EXOC4: variants seen among roughly 807,000 people sequenced by gnomAD.
EXOC4 encodes the protein exocyst complex component 4.
Under a neutral mutation model 107.2 loss-of-function variants are expected in EXOC4, and 71 were observed. That is an observed-to-expected ratio of 0.66 (90% CI 0.55 to 0.81). The LOEUF (loss-of-function observed/expected upper bound fraction) is 0.81, where lower values mean the gene tolerates loss of function less well. Ranked by LOEUF, EXOC4 falls within the 30% of genes least tolerant of loss-of-function variation. The pLI is 0.00. For synonymous variants in EXOC4, 456 were observed against 441.2 expected (o/e 1.03, Z -0.42); for missense variants, 1,108 against 1,189.6 (o/e 0.93, Z 1.01).
At chr7:133,338,768 T>C (rs1177881805) in intron 5 of EXOC4, among the ~76,000 whole-genome samples, 1 of 115,982 alleles carries the variant, frequency 8.6e-6, no homozygotes, top group African/African-American at 3.9e-5. Context: ...TTTTTTTTTT[T>C]TTCAGACAGA....
intron 12 of EXOC4, among the ~76,000 whole-genome samples, chr7:133,899,288 ATGT>A (rs1282372212): frequency 6.6e-6 from 1 of 152,176 alleles, no homozygotes; most frequent in African/African-American, 2.4e-5. Context: ...TGTATTATTG[ATGT>A]TGTTGTCTTG....
chr7:133,267,349 C>G (rs1467555458), intron 1 of EXOC4, among the ~76,000 whole-genome samples: 1 of 152,172 alleles, frequency 6.6e-6, no homozygotes, highest in African/African-American at 2.4e-5. Context: ...CACTCTTTCT[C>G]AAGTCTCTAA....
chr7:133,880,092 A>G lies in EXOC4; in HGVS notation c.1735-15507A>G, dbSNP rs892503575. ...CTGAATACCTTGCCTCTGCCTCTCT[A>G]AGTATCCAAACCTCCCCGTCCTCCA... is the stretch of plus-strand genomic sequence containing the variant. On this transcript the variant is annotated intron_variant, in intron 11 of 17. Transcript: ENST00000253861. Among the ~76,000 whole-genome samples, 8 of 152,024 alleles carry G rather than the reference A, an allele frequency of 5.3e-5. 1 individual carries two copies. The highest frequency in any genetic ancestry group is 1.9e-4 in the African/African-American group (8 of 41,396).
At chr7:133,475,237 G>A in intron 7 of EXOC4, 91 bp from the exon 8 acceptor site, 1 of 1,139,266 alleles carries the variant, frequency 8.8e-7, no homozygotes, top group Non-Finnish European at 1.3e-6. Context: ...GTTGGTTTTA[G>A]AATTAGATTT....
At chr7:134,074,738 C>T in the EXOC4 span, among the ~76,000 whole-genome samples, 1 of 152,178 alleles carries the variant, frequency 6.6e-6, no homozygotes, top group Non-Finnish European at 1.5e-5. Flanking sequence ...CAAGGTCCTG[C>T]CTTCAAAGAC....
At chr7:134,099,028 G>A in the EXOC4 span, among the ~76,000 whole-genome samples, 3 of 152,246 alleles carry the variant, frequency 2.0e-5, no homozygotes, top group East Asian at 3.9e-4. Flanking sequence ...TTGGCCTAAA[G>A]GATGGTGTTA....
intron 17 of EXOC4, among the ~76,000 whole-genome samples, chr7:134,021,459 T>C (rs2116425093): frequency 1.3e-5 from 2 of 152,282 alleles, no homozygotes; most frequent in Middle Eastern, 6.8e-3. Context: ...AACGTGTAGG[T>C]ACTCAAAAAC....
chr7:133,633,870 G>A (rs1045177866), intron 10 of EXOC4, among the ~76,000 whole-genome samples: 9 of 152,064 alleles, frequency 5.9e-5, no homozygotes, highest in East Asian at 3.9e-4. Flanking sequence ...TTTCAAGTGC[G>A]TAGGTCCTTC....
intron 9 of EXOC4, among the ~76,000 whole-genome samples, chr7:133,523,692 A>G (rs1294575233): frequency 2.0e-5 from 3 of 150,266 alleles, no homozygotes; most frequent in Admixed American, 6.7e-5. Flanking sequence ...AATATGTGGT[A>G]TTTGGTTTTT....
intron 9 of EXOC4, among the ~76,000 whole-genome samples, chr7:133,544,958 T>A (rs1339622736): frequency 6.6e-6 from 1 of 152,032 alleles, no homozygotes; most frequent in Non-Finnish European, 1.5e-5. Flanking sequence ...GATTATTATG[T>A]TTTTAAATTT....
intron 2 of EXOC4, among the ~76,000 whole-genome samples, chr7:133,279,276 A>G (rs1050493717): frequency 6.6e-6 from 1 of 152,174 alleles, no homozygotes; most frequent in African/African-American, 2.4e-5. Context: ...GCCGCAATAA[A>G]CATACGTGTG....
At chr7:134,076,450 G>A in the EXOC4 span, among the ~76,000 whole-genome samples, 31,672 of 151,768 alleles carry the variant, frequency 0.21, 4,987 homozygotes, top group African/African-American at 0.45. Context: ...CCTAGGAGGC[G>A]GAGCTTGCAG....
At chr7:133,531,060 C>T (rs887244014) in intron 9 of EXOC4, among the ~76,000 whole-genome samples, 4 of 151,982 alleles carry the variant, frequency 2.6e-5, no homozygotes, top group Non-Finnish European at 5.9e-5. Context: ...TATACATATA[C>T]ATACAAATAC....
At chr7:133,926,826 A>C (rs1800062953) in intron 13 of EXOC4, among the ~76,000 whole-genome samples, 1 of 152,140 alleles carries the variant, frequency 6.6e-6, no homozygotes, top group Non-Finnish European at 1.5e-5. Flanking sequence ...TTTTATCTGG[A>C]GAATCAAATG....
intron 7 of EXOC4, among the ~76,000 whole-genome samples, chr7:133,382,573 C>G (rs1482137631): frequency 6.6e-6 from 1 of 151,976 alleles, no homozygotes; most frequent in Non-Finnish European, 1.5e-5. Flanking sequence ...AGAAATCATT[C>G]CTGGAGAACA....
intron 11 of EXOC4, among the ~76,000 whole-genome samples, chr7:133,828,667 T>C (rs1307288543): frequency 6.6e-6 from 1 of 152,188 alleles, no homozygotes; most frequent in Non-Finnish European, 1.5e-5. Flanking sequence ...AATCTTAGCA[T>C]AGACAATCTC....
chr7:133,291,769 A>G (rs1415639258), intron 3 of EXOC4, among the ~76,000 whole-genome samples: 1 of 152,106 alleles, frequency 6.6e-6, no homozygotes, highest in Non-Finnish European at 1.5e-5. Flanking sequence ...TAACCCGTCG[A>G]AAGTCCATTT....
intron 11 of EXOC4, among the ~76,000 whole-genome samples, chr7:133,826,358 A>T (rs1376157450): frequency 1.3e-5 from 2 of 152,186 alleles, no homozygotes; most frequent in Non-Finnish European, 2.9e-5. Flanking sequence ...GAAAGTGCTT[A>T]CTGCTACATT....
chr7:133,371,142 A>G (rs956004618), intron 6 of EXOC4, among the ~76,000 whole-genome samples: 4 of 152,090 alleles, frequency 2.6e-5, no homozygotes, highest in African/African-American at 9.7e-5. Context: ...GCCAGGTTTC[A>G]TTTTTCACTG....
Sources: allele counts gnomAD v4.1 joint callset (sites outside exome capture counted in the v4.1 genomes callset), GRCh38; gene constraint gnomAD v4.1.1; transcripts MANE v1.5; gene names NCBI Gene and HGNC (gene_info 2026-07-23, HGNC 2026-07-21).